GMCL1: variants seen among roughly 807,000 people sequenced by gnomAD.
GMCL1 encodes the protein germ cell-less 1, spermatogenesis associated, also known as germ cell-less protein-like 1.
In GMCL1, 54 loss-of-function variants were observed where a neutral mutation model predicts 75.5. That is an observed-to-expected ratio of 0.71 (90% confidence interval 0.57 to 0.90). The LOEUF is 0.90. GMCL1 is among the 40% of genes least tolerant of loss of function. The probability of loss-of-function intolerance (pLI) is 0.00; values close to 1 mark genes in which losing one functional copy is unlikely to be tolerated. For synonymous variants in GMCL1, 210 were observed against 209.6 expected, an observed-to-expected ratio of 1.00 and a Z score of -0.02; for missense variants, 537 against 622.7, an observed-to-expected ratio of 0.86 and a Z score of 1.47.
intron 8 of GMCL1, among the ~76,000 whole-genome samples, chr2:69,853,794 A>C (rs557720984): frequency 5.1e-4 from 78 of 152,070 alleles, no homozygotes; most frequent in African/African-American, 1.8e-3. Flanking sequence ...CATAAACTTG[A>C]ATTATTCTAT....
intron 9 of GMCL1, among the ~76,000 whole-genome samples, chr2:69,856,162 A>G (rs990931618): frequency 5.3e-5 from 8 of 152,194 alleles, no homozygotes; most frequent in Admixed American, 1.3e-4. Context: ...GAAGCCACCT[A>G]ATTCACATTA....
At position 69,878,915 on chromosome 2, in the gene GMCL1, G is replaced by A. The variant is rs1676202050; in HGVS notation, c.1459G>A (p.Val487Met). 6.2e-7 allele frequency: 1 copy of A among 1,603,192 alleles called. No homozygotes were observed. Among genetic ancestry groups the A allele is most frequent in the South Asian group, 1.1e-5 (1 of 90,816 alleles). Residue 487 changes from valine (V) to methionine (M), a missense_variant, in exon 14 of 14, where the codon GTG becomes ATG. Transcript: ENST00000282570. ...ILTLEKDQEQ[V>M]VMNLDSRLLI... is the part of the protein sequence containing the mutation. ...CTACAAATCTGTCTTATAGGAACAAGTGGTGATGAACTTGGACAGCAGGCT... is the reference window on the plus strand; with the variant it reads ...CTACAAATCTGTCTTATAGGAACAAATGGTGATGAACTTGGACAGCAGGCT...
chr2:69,838,900 C>T (rs115095555), intron 2 of GMCL1, among the ~76,000 whole-genome samples: 279 of 152,250 alleles, frequency 1.8e-3, no homozygotes, highest in African/African-American at 6.2e-3. Flanking sequence ...ACTAAGTACT[C>T]AGTAACATTT....
intron 13 of GMCL1, among the ~76,000 whole-genome samples, chr2:69,876,143 C>G (rs1676124192): frequency 6.6e-6 from 1 of 152,108 alleles, no homozygotes; most frequent in Admixed American, 6.6e-5. Flanking sequence ...AAGGTTCCGT[C>G]AGACAGCAAT....
intron 12 of GMCL1, among the ~76,000 whole-genome samples, chr2:69,870,963 A>G (rs1296758403): frequency 1.3e-5 from 2 of 152,364 alleles, no homozygotes; most frequent in South Asian, 2.1e-4. Context: ...GGAGCATGGT[A>G]TGACACTTCC....
At chr2:69,847,681 T>C in intron 7 of GMCL1, 54 bp downstream of exon 7, 1 of 1,041,264 alleles carries the variant, frequency 9.6e-7, no homozygotes, top group South Asian at 1.4e-5. Flanking sequence ...CAGCAATGCG[T>C]ATAATGGTGA....
rs903700043 is a variant in GMCL1 at position 69,876,173 on chromosome 2, TATG to T, written c.1453-2733_1453-2731del. ...AGCAATGTGTAGGAAGGATTAAAGATATGATAATGGCAATAAAACAATTTATGA... is the reference window on the plus strand; with the variant it reads ...AGCAATGTGTAGGAAGGATTAAAGATATAATGGCAATAAAACAATTTATGA... On this transcript the variant is annotated intron_variant, in intron 13 of 13. Transcript: ENST00000282570. Among the ~76,000 whole-genome samples, 62 of 152,324 alleles carry T rather than the reference TATG, an allele frequency of 4.1e-4. 1 individual carries two copies. Among genetic ancestry groups the T allele is most frequent in the Admixed American group, 4.0e-3 (61 of 15,302 alleles).
At chr2:69,867,252 A>G (rs1193188635) in intron 11 of GMCL1, among the ~76,000 whole-genome samples, 2 of 150,830 alleles carry the variant, frequency 1.3e-5, no homozygotes, top group South Asian at 2.1e-4. Context: ...AGCCCTCACT[A>G]CCTTTCTTTA....
In GMCL1 at chr2:69,844,849, T is replaced by C. The variant is rs117408776; in HGVS notation, c.758+653T>C. On this transcript the variant is annotated intron_variant, in intron 6 of 13. Transcript: ENST00000282570. ...TTCACCGTCACCTCCTGGTACAAGG[T>C]CTTCTGAACCAGGTCAAGGTATTCC... 3.0e-4 allele frequency: 113 copies of C among 376,824 alleles called. No individual in the cohort carries two copies. In the East Asian group the frequency reaches 6.6e-3, roughly 22 times the overall value. 23.3% of individuals were successfully genotyped at this position (376,824 alleles called of 1,614,324 possible).
intron 9 of GMCL1, among the ~76,000 whole-genome samples, chr2:69,859,928 T>C: frequency 6.6e-6 from 1 of 151,794 alleles, no homozygotes; most frequent in East Asian, 1.9e-4. Context: ...TAAAAAAAAA[T>C]AGAAAAACTA....
At chr2:69,862,995 C>T (rs1675701924) in intron 10 of GMCL1, among the ~76,000 whole-genome samples, 1 of 151,860 alleles carries the variant, frequency 6.6e-6, no homozygotes, top group Non-Finnish European at 1.5e-5. Flanking sequence ...TTTTCCTCAC[C>T]CATGTCCTTA....
rs1674963134 is a variant in GMCL1 at position 69,840,853 on chromosome 2, G to A, written c.482-89G>A. On this transcript the variant is annotated intron_variant, in intron 3 of 13. Coordinates refer to ENST00000282570, the MANE Select transcript of GMCL1 (RefSeq NM_178439.5). ...ATGCCACATTTAGACGGATGTCTTT[G>A]TGTGTGAAGACAGTCGTTGTTGTTA... is the stretch of plus-strand genomic sequence containing the variant. The A allele has an allele frequency of 2.6e-6, 2 of 775,550 alleles. 1 individual carries two copies. The highest frequency in any genetic ancestry group is 4.0e-5 in the South Asian group (2 of 50,166). 48.0% of individuals were successfully genotyped at this position (775,550 alleles called of 1,614,324 possible).
At position 69,869,815 on chromosome 2, in the gene GMCL1, C is replaced by A. The variant is rs756212072; in HGVS notation, c.1315C>A (p.Pro439Thr). Residue 439 changes from proline to threonine, a missense_variant, in exon 12 of 14, where the codon CCA becomes ACA. Pro to Thr is a conservative substitution (Grantham distance 38, BLOSUM62 -1). Coordinates refer to ENST00000282570, the MANE Select transcript of GMCL1 (RefSeq NM_178439.5). ...TTTCAAACGCAATACACTGAATCAG[C>A]CATGTAGCGGATCTGTCAGTTTACA... ...IIFKRNTLNQ[P>T]CSGSVSLQPR... 4 of 1,613,878 alleles carry A rather than the reference C, an allele frequency of 2.5e-6. No individual in the cohort carries two copies. Among genetic ancestry groups the A allele is most frequent in the Non-Finnish European group, 3.4e-6 (4 of 1,179,950 alleles).
At chr2:69,847,905 A>G (rs891647226) in intron 7 of GMCL1, among the ~76,000 whole-genome samples, 12 of 152,230 alleles carry the variant, frequency 7.9e-5, no homozygotes, top group East Asian at 5.8e-4. Flanking sequence ...GTTTATTTAC[A>G]TAATCAAAAA....
At chr2:69,837,213 T>C (rs1674844426) in intron 1 of GMCL1, among the ~76,000 whole-genome samples, 1 of 152,188 alleles carries the variant, frequency 6.6e-6, no homozygotes, top group South Asian at 2.1e-4. Context: ...AAAATCAACA[T>C]GCTAACTTCT....
rs368313388 is a variant in GMCL1, at chr2:69,869,708, G to A, written c.1219-11G>A. The A allele has an allele frequency of 1.2e-5, 19 of 1,611,552 alleles. No homozygotes were observed. The highest frequency in any genetic ancestry group is 2.7e-5 in the African/African-American group (2 of 74,804). ...TAAACTGAAATAAGTCTTCTCTCTT[G>A]TATTTTTTAGTACTGCTGGCGTTGG... is the stretch of plus-strand genomic sequence containing the variant. On this transcript the variant is annotated splice_polypyrimidine_tract_variant and intron_variant, in intron 11 of 13. Transcript: ENST00000282570.
At chr2:69,869,890 T>TA in intron 12 of GMCL1, 26 bp downstream of exon 12, 1 of 1,599,926 alleles carries the variant, frequency 6.3e-7, no homozygotes, top group Non-Finnish European at 8.5e-7. Flanking sequence ...CCCACCCCAC[T>TA]CCTCCTCACT....
At chr2:69,868,535 TTAGAG>T (rs1287037398) in intron 11 of GMCL1, among the ~76,000 whole-genome samples, 1 of 151,832 alleles carries the variant, frequency 6.6e-6, no homozygotes, top group African/African-American at 2.4e-5. Context: ...GTTACTTGAG[TTAGAG>T]TATTTTATTT....
Position 69,853,391 on chromosome 2 carries a change from C to CA in GMCL1, c.935-1426dup, listed in dbSNP as rs556712635. The stretch of plus-strand genomic sequence containing the variant: ...ACTCTAGGCAGGTGCCAAGGGAATA[C>CA]AAAAAATATATGAGATAATGTGGAA... On this transcript the variant is annotated intron_variant, in intron 8 of 13. Coordinates refer to ENST00000282570, the MANE Select transcript of GMCL1 (RefSeq NM_178439.5). Among the ~76,000 whole-genome samples the CA allele has an allele frequency of 4.8e-3, 738 of 152,200 alleles. 6 individuals carry two copies. Among genetic ancestry groups the CA allele is most frequent in the Non-Finnish European group, 5.9e-3 (402 of 67,992 alleles).
Sources: gnomAD v4.1 joint callset for allele counts (sites outside exome capture counted in the v4.1 genomes callset) on GRCh38, gnomAD v4.1.1 for gene constraint, MANE v1.5 for transcripts, NCBI Gene and HGNC (gene_info 2026-07-23, HGNC 2026-07-21) for gene names.